Variants in TECRL observed in about 807,000 individuals in gnomAD.
TECRL encodes trans-2,3-enoyl-CoA reductase-like.
A neutral mutation model predicts 52.8 loss-of-function variants in TECRL; 63 were observed. That is an observed-to-expected ratio of 1.19 (90% CI 0.97 to 1.47). TECRL has a LOEUF of 1.47. Among genes scored for constraint, TECRL ranks in the 40% most tolerant of loss-of-function variants. The pLI is 0.00. For missense variants in TECRL, 482 were observed against 429.6 expected (o/e 1.12, Z -1.08); for synonymous variants, 164 against 141.9 (o/e 1.16, Z -1.10).
chr4:64,353,850 C>G (rs917696647), intron 2 of TECRL, among the ~76,000 whole-genome samples: 2 of 152,000 alleles, frequency 1.3e-5, no homozygotes, highest in Non-Finnish European at 2.9e-5. Flanking sequence ...GGAATCTAGG[C>G]AATCCCAACA....
At chr4:64,406,584 C>A (rs1453693110) in intron 1 of TECRL, among the ~76,000 whole-genome samples, 1 of 151,836 alleles carries the variant, frequency 6.6e-6, no homozygotes, top group African/African-American at 2.4e-5. Flanking sequence ...CTATTCTAAG[C>A]ATGTAACATA....
chr4:64,290,277 A>G (rs17084629), intron 8 of TECRL, among the ~76,000 whole-genome samples: 3,474 of 149,946 alleles, frequency 0.023, 69 homozygotes, highest in Non-Finnish European at 0.034. Context: ...CCTCTTGATC[A>G]TATGCACTCT....
intron 9 of TECRL, among the ~76,000 whole-genome samples, chr4:64,283,139 A>C (rs561075402): frequency 6.6e-6 from 1 of 152,226 alleles, no homozygotes; most frequent in Admixed American, 6.5e-5. Flanking sequence ...TCAATTCAGA[A>C]GAACATGGAT....
In TECRL at chr4:64,281,080, A is replaced by G; in HGVS notation, c.925T>C (p.Ser309Pro). The G allele has an allele frequency of 6.2e-7, 1 of 1,601,496 alleles. No homozygotes were observed. The highest frequency in any genetic ancestry group is 1.3e-5 in the African/African-American group (1 of 74,812). The change falls in exon 11 of 12, where the codon TCA (serine) becomes CCA (proline). Residue 309 changes from serine to proline, a missense_variant. Physicochemically the swap from Ser to Pro is moderately conservative, Grantham distance 74 (BLOSUM62 -1). Transcript: ENST00000381210. ...GTCATGACTGTGAAACTAATCCATG[A>G]TCCAATCTGTTATATTAAAACTTAA... ...SCPNYTYEIGSWISFTVMTQT... is the reference protein window; with the variant it reads ...SCPNYTYEIGPWISFTVMTQT...
chr4:64,365,032 C>A (rs1478676937), intron 2 of TECRL, among the ~76,000 whole-genome samples: 2 of 151,882 alleles, frequency 1.3e-5, no homozygotes, highest in South Asian at 2.1e-4. Context: ...CTGAATTCAG[C>A]AGCACATCAG....
chr4:64,391,213 A>G (rs1723524373), intron 1 of TECRL, among the ~76,000 whole-genome samples: 1 of 151,866 alleles, frequency 6.6e-6, no homozygotes, highest in Non-Finnish European at 1.5e-5. Flanking sequence ...TATATGAACC[A>G]TGACGGTTCA....
At chr4:64,393,573 G>A (rs760666696) in intron 1 of TECRL, among the ~76,000 whole-genome samples, 1 of 151,916 alleles carries the variant, frequency 6.6e-6, no homozygotes, top group Non-Finnish European at 1.5e-5. Context: ...AAAACAATAT[G>A]AGGATATTTT....
At chr4:64,403,444 G>A (rs1347816786) in intron 1 of TECRL, among the ~76,000 whole-genome samples, 3 of 146,902 alleles carry the variant, frequency 2.0e-5, no homozygotes, top group African/African-American at 7.6e-5. Context: ...AAGCAAGCAA[G>A]CAAACAAACA....
intron 3 of TECRL, among the ~76,000 whole-genome samples, chr4:64,328,101 C>A (rs1428787359): frequency 2.6e-5 from 4 of 151,958 alleles, no homozygotes; most frequent in Admixed American, 2.6e-4. Flanking sequence ...CATAATGCTT[C>A]TTCTCCAAAT....
At chr4:64,329,096 G>A (rs950819510) in intron 2 of TECRL, among the ~76,000 whole-genome samples, 6 of 151,720 alleles carry the variant, frequency 4.0e-5, no homozygotes, top group African/African-American at 9.7e-5. Flanking sequence ...TTGTACTACC[G>A]TTAGGAATAA....
chr4:64,344,718 C>T (rs189796971), intron 2 of TECRL, among the ~76,000 whole-genome samples: 1 of 152,222 alleles, frequency 6.6e-6, no homozygotes, highest in African/African-American at 2.4e-5. Flanking sequence ...TAGCTCTCAG[C>T]AAAGAGGAAT....
At chr4:64,287,186 A>T (rs1407479107) in intron 9 of TECRL, among the ~76,000 whole-genome samples, 1 of 152,140 alleles carries the variant, frequency 6.6e-6, no homozygotes, top group Non-Finnish European at 1.5e-5. Flanking sequence ...AGATATTTTT[A>T]ACTCACAGTA....
intron 2 of TECRL, among the ~76,000 whole-genome samples, chr4:64,368,293 G>C (rs201798174): frequency 7.5e-4 from 3 of 4,014 alleles, no homozygotes; most frequent in East Asian, 0.25. Context: ...TTCTTTTTTT[G>C]TTTGTTTGTT....
intron 7 of TECRL, 98 bp downstream of exon 7, chr4:64,305,068 G>GTTTCAT: frequency 1.2e-6 from 1 of 836,046 alleles, no homozygotes; most frequent in Non-Finnish European, 1.8e-6. Flanking sequence ...AAAATGAATT[G>GTTTCAT]TTTCATTTTT....
chr4:64,365,400 A>G (rs1721525197), intron 2 of TECRL, among the ~76,000 whole-genome samples: 1 of 152,118 alleles, frequency 6.6e-6, no homozygotes, highest in Non-Finnish European at 1.5e-5. Context: ...AGGCAAAATA[A>G]AGGAAAAAAG....
At chr4:64,368,358 T>C (rs2062194) in intron 2 of TECRL, among the ~76,000 whole-genome samples, 136,708 of 152,130 alleles carry the variant, frequency 0.9, 62,085 homozygotes, top group East Asian at 1. Flanking sequence ...TGCAATGGCA[T>C]GATCTTGGCT....
At chr4:64,315,685 T>C (rs1319447289) in intron 4 of TECRL, among the ~76,000 whole-genome samples, 2 of 152,128 alleles carry the variant, frequency 1.3e-5, no homozygotes, top group African/African-American at 4.8e-5. Context: ...TTAGAAATCA[T>C]GTTCACAGCT....
intron 11 of TECRL, 83 bp from the exon 12 acceptor site, chr4:64,280,282 G>C (rs2109921186): frequency 9.1e-7 from 1 of 1,094,038 alleles, no homozygotes; most frequent in East Asian, 3.0e-5. Context: ...AGCATGTTTA[G>C]CTTTTAAGAT....
At chr4:64,345,708 A>C (rs1462074558) in intron 2 of TECRL, among the ~76,000 whole-genome samples, 5 of 151,932 alleles carry the variant, frequency 3.3e-5, no homozygotes, top group Non-Finnish European at 7.4e-5. Flanking sequence ...AATAATAAAA[A>C]AAAAGAAGTT....
Sources: gnomAD v4.1 joint callset for allele counts (sites outside exome capture counted in the v4.1 genomes callset) on GRCh38, gnomAD v4.1.1 for gene constraint, MANE v1.5 for transcripts, NCBI Gene and HGNC (gene_info 2026-07-23, HGNC 2026-07-21) for gene names.